LAMA2: variants seen among roughly 807,000 people sequenced by gnomAD.
LAMA2 encodes laminin subunit alpha 2, also known as laminin subunit alpha-2.
A neutral mutation model predicts 364.8 loss-of-function variants in LAMA2; 269 were observed. The ratio of observed to expected loss-of-function variants is 0.74; its 90% CI spans 0.67 to 0.82. The LOEUF (loss-of-function observed/expected upper bound fraction) is 0.82, where lower values mean the gene tolerates loss of function less well. LAMA2 is among the 40% of genes least tolerant of loss of function. The pLI, the probability that LAMA2 is intolerant of heterozygous loss-of-function variation, is 0.00. For synonymous variants in LAMA2, 1,379 were observed against 1,370.6 expected, an observed-to-expected ratio of 1.01 and a Z score of -0.14; for missense variants, 3,807 against 3,873.2, an observed-to-expected ratio of 0.98 and a Z score of 0.45.
At chr6:129,441,125 G>C (rs144066164) in intron 43 of LAMA2, 127 bp downstream of exon 43, 29 of 832,910 alleles carry the variant, frequency 3.5e-5, no homozygotes, top group Middle Eastern at 3.1e-4. Flanking sequence ...TTCTTTCATA[G>C]ATTGGCCTCA....
intron 12 of LAMA2, among the ~76,000 whole-genome samples, chr6:129,247,001 A>C (rs759330314): frequency 3.3e-5 from 5 of 152,190 alleles, no homozygotes; most frequent in Non-Finnish European, 5.9e-5. Flanking sequence ...ACACAACTGG[A>C]AACAACACCA....
intron 8 of LAMA2, among the ~76,000 whole-genome samples, chr6:129,155,988 A>G (rs1354050969): frequency 6.6e-6 from 1 of 151,878 alleles, no homozygotes; most frequent in Non-Finnish European, 1.5e-5. Flanking sequence ...AATTTCAGTT[A>G]GATAGTAGGA....
At chr6:129,031,851 A>G (rs1786252078) in intron 1 of LAMA2, among the ~76,000 whole-genome samples, 1 of 151,708 alleles carries the variant, frequency 6.6e-6, no homozygotes, top group Non-Finnish European at 1.5e-5. Context: ...TTTGAAATGG[A>G]GTCTTACTCT....
At chr6:129,020,406 G>C (rs1785378552) in intron 1 of LAMA2, among the ~76,000 whole-genome samples, 1 of 152,188 alleles carries the variant, frequency 6.6e-6, no homozygotes, top group Non-Finnish European at 1.5e-5. Context: ...ACACGCACAT[G>C]TACCTGGAAG....
intron 9 of LAMA2, among the ~76,000 whole-genome samples, chr6:129,173,353 A>C (rs1000916785): frequency 6.6e-6 from 1 of 152,098 alleles, no homozygotes; most frequent in Non-Finnish European, 1.5e-5. Flanking sequence ...CCATCCATAC[A>C]TTTTTATTAT....
chr6:129,340,274 C>G (rs144616009), intron 29 of LAMA2, among the ~76,000 whole-genome samples: 34 of 151,864 alleles, frequency 2.2e-4, no homozygotes, highest in Middle Eastern at 3.4e-3. Context: ...TAGAAATTGT[C>G]AAGCAATTTG....
intron 40 of LAMA2, among the ~76,000 whole-genome samples, chr6:129,419,777 A>G (rs1411263873): frequency 6.6e-6 from 1 of 152,064 alleles, no homozygotes; most frequent in Non-Finnish European, 1.5e-5. Flanking sequence ...CATCTGACCC[A>G]TCTACCACCC....
chr6:129,071,169 A>C (rs1463864285), intron 3 of LAMA2, among the ~76,000 whole-genome samples: 1 of 152,234 alleles, frequency 6.6e-6, no homozygotes, highest in Non-Finnish European at 1.5e-5. Flanking sequence ...GCTTTTCAAG[A>C]AATTGATCCA....
At chr6:129,126,059 T>A (rs1777099450) in intron 4 of LAMA2, among the ~76,000 whole-genome samples, 1 of 152,214 alleles carries the variant, frequency 6.6e-6, no homozygotes, top group African/African-American at 2.4e-5. Context: ...TTTTCAGTAA[T>A]TAATATCATT....
chr6:129,470,720 A>C lies in LAMA2; in HGVS notation c.7301-2494A>C, dbSNP rs77479537. Among the ~76,000 whole-genome samples the C allele has an allele frequency of 3.6e-3, 542 of 152,060 alleles. 4 individuals carry two copies. Among genetic ancestry groups the C allele is most frequent in the African/African-American group, 0.011 (462 of 41,536 alleles). ...GGTCCCTGAGGACTTTAGCAAGACC[A>C]GAGATGACAGAGTAGTGGGAGAGGA... On this transcript the variant is annotated intron_variant, in intron 51 of 64. Transcript: ENST00000421865.
chr6:129,334,564 A>T (rs990156241), intron 29 of LAMA2, among the ~76,000 whole-genome samples: 2 of 152,112 alleles, frequency 1.3e-5, no homozygotes. Context: ...AAAAATAAGT[A>T]AAAAAAATTC....
intron 12 of LAMA2, among the ~76,000 whole-genome samples, chr6:129,210,711 A>G (rs1783043513): frequency 6.6e-6 from 1 of 152,212 alleles, no homozygotes; most frequent in Non-Finnish European, 1.5e-5. Flanking sequence ...GGAAGAGGTT[A>G]TAATTTTTTA....
intron 38 of LAMA2, 29 bp from the exon 39 acceptor site, chr6:129,402,295 C>T (rs980579396): frequency 4.3e-5 from 68 of 1,595,670 alleles, no homozygotes; most frequent in Non-Finnish European, 5.8e-5. Flanking sequence ...AATTCACTTG[C>T]TTAAAATGCC....
intron 1 of LAMA2, among the ~76,000 whole-genome samples, chr6:129,044,944 G>T (rs762859938): frequency 6.6e-6 from 1 of 152,074 alleles, no homozygotes; most frequent in African/African-American, 2.4e-5. Flanking sequence ...GCTTTTGAAT[G>T]GGAATAAGTA....
Position 129,054,462 on chromosome 6 carries a change from CA to C in LAMA2, c.283+4375del, listed in dbSNP as rs950061212. Among the ~76,000 whole-genome samples the C allele has an allele frequency of 2.6e-5, 4 of 151,926 alleles. No individual in the cohort carries two copies. In the South Asian group the frequency reaches 6.2e-4, roughly 24 times the overall value. ...CAGGGACTGGTGGCCTTGAAAATTT[CA>C]TAGAGAATGTGAGAAAGCCCAGGGG... is the stretch of plus-strand genomic sequence containing the variant. On this transcript the variant is annotated intron_variant, in intron 2 of 64. Coordinates refer to ENST00000421865, the MANE Select transcript of LAMA2 (RefSeq NM_000426.4).
chr6:129,514,244 C>A (rs1562643937), intron 63 of LAMA2, 129 bp from the exon 64 acceptor site: 2 of 763,528 alleles, frequency 2.6e-6, no homozygotes, highest in East Asian at 5.4e-5. Context: ...TTTCAATATG[C>A]CCAGTTACAT....
At chr6:128,954,993 AT>A (rs1045265043) in intron 1 of LAMA2, among the ~76,000 whole-genome samples, 5 of 150,144 alleles carry the variant, frequency 3.3e-5, no homozygotes, top group Admixed American at 1.3e-4. Context: ...AAAAAAAAAA[AT>A]AATAAGAATC....
At chr6:129,256,181 T>C (rs1006844301) in intron 14 of LAMA2, among the ~76,000 whole-genome samples, 1 of 152,166 alleles carries the variant, frequency 6.6e-6, no homozygotes, top group Non-Finnish European at 1.5e-5. Flanking sequence ...CAAGGAGATC[T>C]TTGGTTTTGG....
At chr6:129,302,423 G>A (rs13215801) in intron 22 of LAMA2, among the ~76,000 whole-genome samples, 52,119 of 151,784 alleles carry the variant, frequency 0.34, 10,493 homozygotes, top group Non-Finnish European at 0.45. Flanking sequence ...GTTCTTTAAC[G>A]TATGTTAAAG....
Sources: gnomAD v4.1 joint callset for allele counts (sites outside exome capture counted in the v4.1 genomes callset) on GRCh38, gnomAD v4.1.1 for gene constraint, MANE v1.5 for transcripts, NCBI Gene and HGNC (gene_info 2026-07-23, HGNC 2026-07-21) for gene names.